SUSD4: variants seen among roughly 807,000 people sequenced by gnomAD.
SUSD4 encodes sushi domain containing 4, also known as sushi domain-containing protein 4.
In SUSD4, 41 loss-of-function variants were observed where a neutral mutation model predicts 50.5. That is an observed-to-expected ratio of 0.81 (90% confidence interval 0.63 to 1.05). The LOEUF (loss-of-function observed/expected upper bound fraction) is 1.05, where lower values mean the gene tolerates loss of function less well. Ranked by LOEUF, SUSD4 falls within the 50% of genes least tolerant of loss-of-function variation. The pLI, the probability that SUSD4 is intolerant of heterozygous loss-of-function variation, is 0.00. For missense variants in SUSD4, 580 were observed against 634.7 expected, an observed-to-expected ratio of 0.91 and a Z score of 0.93; for synonymous variants, 257 against 257.3, an observed-to-expected ratio of 1.00 and a Z score of 0.01.
At chr1:223,310,650 T>C (rs1459258420) in intron 2 of SUSD4, among the ~76,000 whole-genome samples, 2 of 152,228 alleles carry the variant, frequency 1.3e-5, no homozygotes, top group Non-Finnish European at 2.9e-5. Flanking sequence ...TAAGATTGAA[T>C]GTTGATGGGT....
intron 2 of SUSD4, among the ~76,000 whole-genome samples, chr1:223,297,405 T>C (rs1342871175): frequency 1.3e-5 from 2 of 152,066 alleles, no homozygotes; most frequent in Non-Finnish European, 2.9e-5. Context: ...AGAAAAACAC[T>C]GGAAAATAAA....
At chr1:223,235,164 A>AC in intron 5 of SUSD4, 1 of 1,483,678 alleles carries the variant, frequency 6.7e-7, no homozygotes, top group South Asian at 1.3e-5. Flanking sequence ...GAAAAAAAAA[A>AC]CCTAAAGCCC....
chr1:223,309,476 C>CA (rs1410589182), intron 2 of SUSD4, among the ~76,000 whole-genome samples: 2 of 152,182 alleles, frequency 1.3e-5, no homozygotes, highest in African/African-American at 4.8e-5. Context: ...ACTCGCAGGT[C>CA]AGAGCACTGG....
intron 2 of SUSD4, among the ~76,000 whole-genome samples, chr1:223,339,868 C>T (rs1438626267): frequency 2.6e-5 from 4 of 152,200 alleles, no homozygotes; most frequent in Admixed American, 6.5e-5. Context: ...ACCACTTTTC[C>T]GCTTACACAC....
intron 2 of SUSD4, among the ~76,000 whole-genome samples, chr1:223,320,443 T>C (rs1666505990): frequency 6.6e-6 from 1 of 151,774 alleles, no homozygotes; most frequent in African/African-American, 2.4e-5. Flanking sequence ...CTAGCTGCTC[T>C]CCTTCCACAC....
At chr1:223,304,141 T>C (rs1027362822) in intron 2 of SUSD4, among the ~76,000 whole-genome samples, 6 of 152,152 alleles carry the variant, frequency 3.9e-5, no homozygotes, top group African/African-American at 1.4e-4. Context: ...CATGCGTCCG[T>C]TTATAGGCTC....
chr1:223,221,890 G>A lies in SUSD4; in HGVS notation c.*302C>T. 3.0e-6 allele frequency: 1 copy of A among 329,810 alleles called. No individual in the cohort carries two copies. Among genetic ancestry groups the A allele is most frequent in the Non-Finnish European group, 5.5e-6 (1 of 182,558 alleles). 20.4% of individuals were successfully genotyped at this position (329,810 alleles called of 1,614,324 possible). ...GTGATGATTCGGTGGGATGTGCGTG[G>A]AATTGTCCCATGTTCCACAGCACGA... On this transcript the variant is annotated 3_prime_UTR_variant, in exon 9 of 9. Transcript: ENST00000366878.
At chr1:223,292,908 C>G (rs923355078) in intron 2 of SUSD4, among the ~76,000 whole-genome samples, 4 of 152,182 alleles carry the variant, frequency 2.6e-5, no homozygotes, top group Middle Eastern at 3.4e-3. Flanking sequence ...GAGAAGGAAA[C>G]AGACAAAAAG....
intron 4 of SUSD4, 59 bp downstream of exon 4, chr1:223,268,443 C>G: frequency 6.4e-7 from 1 of 1,560,816 alleles, no homozygotes; most frequent in Non-Finnish European, 8.7e-7. Context: ...TGTACACAGT[C>G]TACAATAAAG....
At chr1:223,268,460 A>G (rs2103083389) in intron 4 of SUSD4, 42 bp downstream of exon 4, 22 of 1,579,900 alleles carry the variant, frequency 1.4e-5, no homozygotes, top group South Asian at 2.4e-5. Context: ...AAAGTCCGAG[A>G]GAATAATAGC....
At chr1:223,277,958 A>G (rs1384323729) in intron 3 of SUSD4, among the ~76,000 whole-genome samples, 1 of 152,104 alleles carries the variant, frequency 6.6e-6, no homozygotes, top group African/African-American at 2.4e-5. Context: ...ATCAGCTGGG[A>G]GATTTTTTTT....
At chr1:223,316,781 G>C (rs778966481) in intron 2 of SUSD4, among the ~76,000 whole-genome samples, 7 of 152,056 alleles carry the variant, frequency 4.6e-5, no homozygotes, top group Non-Finnish European at 8.8e-5. Context: ...TAGGTCACAG[G>C]GCAGGATCCA....
intron 2 of SUSD4, among the ~76,000 whole-genome samples, chr1:223,329,527 T>A (rs1055522028): frequency 2.0e-5 from 3 of 152,208 alleles, no homozygotes; most frequent in African/African-American, 7.2e-5. Context: ...TATTTTATAG[T>A]CATTTGTGTT....
At chr1:223,358,053 T>C (rs1668763643) in intron 2 of SUSD4, among the ~76,000 whole-genome samples, 1 of 152,194 alleles carries the variant, frequency 6.6e-6, no homozygotes, top group Admixed American at 6.5e-5. Flanking sequence ...ACTTTTCTCA[T>C]CAGAATCAAT....
Position 223,223,235 on chromosome 1 carries a change from G to C in SUSD4, c.1444+14C>G. Reference sequence around the variant, plus strand: ...GTTTGCAGGTGTGGCTTGGGCCCTGGGGCAAGCACTTACCATCTGCAATGT... The same window carrying C: ...GTTTGCAGGTGTGGCTTGGGCCCTGCGGCAAGCACTTACCATCTGCAATGT... On this transcript the variant is annotated intron_variant, in intron 8 of 8. Coordinates refer to ENST00000366878, the MANE Select transcript of SUSD4 (RefSeq NM_017982.4). 3.3e-6 allele frequency: 5 copies of C among 1,518,380 alleles called. No individual in the cohort carries two copies. Among genetic ancestry groups the C allele is most frequent in the Non-Finnish European group, 3.5e-6 (4 of 1,140,460 alleles). 94.1% of individuals were successfully genotyped at this position (1,518,380 alleles called of 1,614,324 possible).
intron 2 of SUSD4, among the ~76,000 whole-genome samples, chr1:223,310,027 T>C (rs1665778691): frequency 6.6e-6 from 1 of 152,102 alleles, no homozygotes; most frequent in African/African-American, 2.4e-5. Context: ...TGATGGCCCA[T>C]TGGTGATAAG....
intron 2 of SUSD4, among the ~76,000 whole-genome samples, chr1:223,317,150 G>A (rs1039687663): frequency 9.9e-5 from 15 of 152,180 alleles, no homozygotes; most frequent in Non-Finnish European, 1.5e-5. Context: ...AGGTCATAAA[G>A]ACCTTGCTGA....
Position 223,222,136 on chromosome 1 carries a change from A to G in SUSD4, c.*56T>C, listed in dbSNP as rs1227277797. 1.9e-6 allele frequency: 3 copies of G among 1,588,078 alleles called. No homozygotes were observed. Among genetic ancestry groups the G allele is most frequent in the Non-Finnish European group, 2.6e-6 (3 of 1,164,252 alleles). On this transcript the variant is annotated 3_prime_UTR_variant, in exon 9 of 9. Transcript: ENST00000366878. ...TCTATCCTTCTGTGACCTCACTCCAAGATACAAGGTCCTTTCCCCGAAGGA... is the reference window on the plus strand; with the variant it reads ...TCTATCCTTCTGTGACCTCACTCCAGGATACAAGGTCCTTTCCCCGAAGGA...
At chr1:223,304,857 T>A (rs1414085181) in intron 2 of SUSD4, among the ~76,000 whole-genome samples, 1 of 94,502 alleles carries the variant, frequency 1.1e-5, no homozygotes, top group Non-Finnish European at 2.0e-5. Flanking sequence ...TATATATATA[T>A]GCTATGTGAT....
Sources: allele counts gnomAD v4.1 joint callset (sites outside exome capture counted in the v4.1 genomes callset), GRCh38; gene constraint gnomAD v4.1.1; transcripts MANE v1.5; gene names NCBI Gene and HGNC (gene_info 2026-07-23, HGNC 2026-07-21).